Variants in REM1 observed in about 807,000 individuals in gnomAD.
REM1 encodes GTP-binding protein REM 1.
In REM1, 20 loss-of-function variants were observed where a neutral mutation model predicts 27.0. The ratio of observed to expected loss-of-function variants is 0.74; its 90% confidence interval spans 0.52 to 1.08. The LOEUF is 1.08. REM1 is among the 50% of genes least tolerant of loss of function. The pLI is 0.00. For synonymous variants in REM1, 159 were observed against 167.9 expected (o/e 0.95, Z 0.41); for missense variants, 405 against 407.0 (o/e 1.00, Z 0.04).
chr20:31,484,209 G>C lies in REM1; in HGVS notation c.676G>C (p.Ala226Pro). The change falls in exon 5 of 5, where the codon GCC (alanine) becomes CCC (proline). Residue 226 changes from alanine (A) to proline (P), a missense_variant. Physicochemically the swap from Ala to Pro is conservative, Grantham distance 27. Transcript: ENST00000201979. ...VFDCKFIETS[A>P]TLQHNVAELF... ...CGACTGTAAATTCATCGAGACATCC[G>C]CCACGCTGCAGCACAATGTGGCCGA... 4 of 1,608,162 alleles carry C rather than the reference G, an allele frequency of 2.5e-6. No homozygotes were observed. Among genetic ancestry groups the C allele is most frequent in the Non-Finnish European group, 3.4e-6 (4 of 1,177,684 alleles).
At chr20:31,484,117 C>T in intron 4 of REM1, 42 bp from the exon 5 acceptor site, 2 of 1,519,638 alleles carry the variant, frequency 1.3e-6, no homozygotes, top group Non-Finnish European at 1.8e-6. Flanking sequence ...CTCCGCCTTC[C>T]GTTATGGCTC....
At position 31,476,492 on chromosome 20, in the gene REM1, G is replaced by C. The variant is rs138327085; in HGVS notation, c.47G>C (p.Arg16Pro). Residue 16 changes from arginine (R) to proline (P), a missense_variant, in exon 2 of 5, where the codon CGA becomes CCA. By Grantham distance (103) the Arg-to-Pro change is moderately radical (BLOSUM62 -2). Coordinates refer to ENST00000201979, the MANE Select transcript of REM1 (RefSeq NM_014012.6). ...EQEAKTPLHR[R>P]ASTPLPLSPR... Reference sequence around the variant, plus strand: ...GAAGCAAAGACCCCTCTGCACCGGCGAGCCAGCACCCCACTGCCCCTGTCC... The same window carrying C: ...GAAGCAAAGACCCCTCTGCACCGGCCAGCCAGCACCCCACTGCCCCTGTCC... 1 of 1,612,164 alleles carries C rather than the reference G, an allele frequency of 6.2e-7. No individual in the cohort carries two copies. The highest frequency in any genetic ancestry group is 1.3e-5 in the African/African-American group (1 of 74,838).
Position 31,476,309 on chromosome 20 carries a change from G to C in REM1, c.-137G>C, listed in dbSNP as rs945331863. Reference sequence around the variant, plus strand: ...GCACCTCCTACTCCCATCTGAACAAGAGGGGGATCTGGAAGAAGCCATACA... The same window carrying C: ...GCACCTCCTACTCCCATCTGAACAACAGGGGGATCTGGAAGAAGCCATACA... On this transcript the variant is annotated 5_prime_UTR_variant, in exon 2 of 5. Transcript: ENST00000201979. The C allele has an allele frequency of 1.4e-6, 1 of 719,882 alleles. No individual in the cohort carries two copies. The highest frequency in any genetic ancestry group is 2.3e-6 in the Non-Finnish European group (1 of 428,486). 44.6% of individuals were successfully genotyped at this position (719,882 alleles called of 1,614,324 possible).
rs752092102 is a variant in REM1, at chr20:31,476,407, G to C, written c.-39G>C. The C allele has an allele frequency of 2.0e-6, 3 of 1,468,778 alleles. No individual in the cohort carries two copies. The highest frequency in any genetic ancestry group is 2.2e-5 in the Admixed American group (1 of 45,398). The allele number at this position is 1,468,778 out of a possible 1,614,324, so 91.0% of individuals were successfully genotyped here. On this transcript the variant is annotated 5_prime_UTR_variant, in exon 2 of 5. Transcript: ENST00000201979. The stretch of plus-strand genomic sequence containing the variant: ...TGACAGCCAATTCCCCCTTCTTTCA[G>C]AAGGAAAGAAGGAAGAAGCAAACCC...
In REM1 at chr20:31,476,704, G is replaced by A. The variant is rs779498944; in HGVS notation, c.259G>A (p.Gly87Arg). The A allele has an allele frequency of 6.2e-7, 1 of 1,614,130 alleles. No individual in the cohort carries two copies. The highest frequency in any genetic ancestry group is 8.5e-7 in the Non-Finnish European group (1 of 1,180,012). ...GGCTCTCTACCGTGTGGTGCTACTT[G>A]GAGATCCTGGAGTGGGGAAGACCAG... ...WEALYRVVLL[G>R]DPGVGKTSLA... The change falls in exon 2 of 5, where the codon GGA becomes AGA. Residue 87 changes from glycine to arginine, a missense_variant. By Grantham distance (125) the Gly-to-Arg change is moderately radical. Coordinates refer to ENST00000201979, the MANE Select transcript of REM1 (RefSeq NM_014012.6).
At chr20:31,481,113 A>C (rs1980714772) in intron 3 of REM1, among the ~76,000 whole-genome samples, 1 of 152,060 alleles carries the variant, frequency 6.6e-6, no homozygotes, top group Non-Finnish European at 1.5e-5. Flanking sequence ...CTCTACCAAA[A>C]ACACAAAAAA....
At chr20:31,482,997 C>CT (rs1397077993) in intron 4 of REM1, among the ~76,000 whole-genome samples, 2 of 152,056 alleles carry the variant, frequency 1.3e-5, no homozygotes, top group Non-Finnish European at 2.9e-5. Flanking sequence ...AATTTTAGCT[C>CT]TTTTTTTAAA....
chr20:31,478,829 T>C (rs1323476143), intron 3 of REM1, among the ~76,000 whole-genome samples: 1 of 151,716 alleles, frequency 6.6e-6, no homozygotes, highest in Non-Finnish European at 1.5e-5. Flanking sequence ...TTTGTAGATC[T>C]TATTCTTTTT....
At chr20:31,483,454 A>C (rs1401795356) in intron 4 of REM1, among the ~76,000 whole-genome samples, 1 of 152,250 alleles carries the variant, frequency 6.6e-6, no homozygotes, top group Admixed American at 6.5e-5. Context: ...AGTGAAAAAA[A>C]TTAGAAATTC....
intron 4 of REM1, 34 bp from the exon 5 acceptor site, chr20:31,484,125 C>T (rs1435536000): frequency 1.3e-6 from 2 of 1,539,400 alleles, no homozygotes; most frequent in Non-Finnish European, 1.8e-6. Flanking sequence ...TCCGTTATGG[C>T]TCCACCCCTC....
chr20:31,482,072 A>T (rs1224943412), intron 3 of REM1, among the ~76,000 whole-genome samples: 2 of 152,236 alleles, frequency 1.3e-5, no homozygotes, highest in Non-Finnish European at 2.9e-5. Context: ...AGGTAGTGTT[A>T]TTAGCCTAAA....
At chr20:31,477,940 A>G in intron 3 of REM1, 30 bp downstream of exon 3, 1 of 1,415,834 alleles carries the variant, frequency 7.1e-7, no homozygotes, top group Non-Finnish European at 1.0e-6. Flanking sequence ...ATTTGGGGAG[A>G]GGGGTGCTGA....
Position 31,484,634 on chromosome 20 carries a change from C to T in REM1, c.*204C>T. 6.3e-6 allele frequency: 4 copies of T among 639,794 alleles called. No individual in the cohort carries two copies. The South Asian group carries it at 1.2e-4, about 19-fold the overall frequency. 39.6% of individuals were successfully genotyped at this position (639,794 alleles called of 1,614,324 possible). A position where few individuals can be genotyped will look rare whatever the true frequency, so the allele number is the denominator to read the frequency against. Reference sequence around the variant, plus strand: ...GACAGACAGACGATGGGGCCGAAGCCCCAAGCTGGGCACAAAGTAGTTTTT... The same window carrying T: ...GACAGACAGACGATGGGGCCGAAGCTCCAAGCTGGGCACAAAGTAGTTTTT... On this transcript the variant is annotated 3_prime_UTR_variant, in exon 5 of 5. Coordinates refer to ENST00000201979, the MANE Select transcript of REM1 (RefSeq NM_014012.6).
chr20:31,482,534 T>C (rs1980774162), intron 4 of REM1, 46 bp downstream of exon 4: 40 of 1,565,904 alleles, frequency 2.6e-5, no homozygotes, highest in Non-Finnish European at 3.4e-5. Context: ...GGCCCCACTG[T>C]CATGGCTGCT....
intron 3 of REM1, among the ~76,000 whole-genome samples, chr20:31,480,238 CATACATACACACAT>C (rs1568762841): frequency 1.3e-4 from 10 of 75,986 alleles, no homozygotes; most frequent in African/African-American, 9.7e-4. Flanking sequence ...TAGACAGATA[CATACATACACACAT>C]ACATACATAC....
chr20:31,479,966 G>A (rs968407350), intron 3 of REM1, among the ~76,000 whole-genome samples: 1 of 152,114 alleles, frequency 6.6e-6, no homozygotes, highest in Non-Finnish European at 1.5e-5. Context: ...GTGCATGCCT[G>A]TAATCCCAGC....
At chr20:31,480,094 A>AAAAT (rs754511098) in intron 3 of REM1, among the ~76,000 whole-genome samples, 63 of 152,094 alleles carry the variant, frequency 4.1e-4, no homozygotes, top group Non-Finnish European at 8.1e-4. Context: ...TGTCTCAAAA[A>AAAAT]AAATAAATAA....
At position 31,484,425 on chromosome 20, in the gene REM1, C is replaced by A; in HGVS notation, c.892C>A (p.Leu298Ile). The change falls in exon 5 of 5, where the codon CTC becomes ATC. Residue 298 changes from leucine to isoleucine, a missense_variant. Physicochemically the swap from Leu to Ile is conservative, Grantham distance 5. Coordinates refer to ENST00000201979, the MANE Select transcript of REM1 (RefSeq NM_014012.6). ...CAAGTCCTGCCACAATCTGGCCGTGCTCTGAAGCCCCCCGCCCTTCTGAGA... is the reference window on the plus strand; with the variant it reads ...CAAGTCCTGCCACAATCTGGCCGTGATCTGAAGCCCCCCGCCCTTCTGAGA... ...RSKSCHNLAV[L>I] The A allele has an allele frequency of 6.6e-7, 1 of 1,503,944 alleles. No individual in the cohort carries two copies. The allele number at this position is 1,503,944 out of a possible 1,614,324, so 93.2% of individuals were successfully genotyped here.
rs1980566953 is a variant in REM1, at chr20:31,477,714, C to T, written c.341-114C>T. On this transcript the variant is annotated intron_variant, in intron 2 of 4. Transcript: ENST00000201979. ...ACAGGCATCAAACAAGTGTGATAAG[C>T]GTTTCCGAGGACAAGTGGAGGGGGC... 20 of 710,496 alleles carry T rather than the reference C, an allele frequency of 2.8e-5. No individual in the cohort carries two copies. In the South Asian group the frequency reaches 2.9e-4, roughly 10 times the overall value. The allele number at this position is 710,496 out of a possible 1,614,324, so 44.0% of individuals were successfully genotyped here.
Sources: gnomAD v4.1 joint callset for allele counts (sites outside exome capture counted in the v4.1 genomes callset) on GRCh38, gnomAD v4.1.1 for gene constraint, MANE v1.5 for transcripts, NCBI Gene and HGNC (gene_info 2026-07-23, HGNC 2026-07-21) for gene names.